The following PIGG variants were observed in gnomAD, a reference collection of about 807,000 sequenced individuals.
PIGG encodes the protein GPI ethanolamine phosphate transferase 2, catalytic subunit.
PIGG carries 70 observed loss-of-function variants against 83.2 expected under a neutral mutation model. The ratio of observed to expected loss-of-function variants is 0.84; its 90% CI spans 0.69 to 1.03. The LOEUF (loss-of-function observed/expected upper bound fraction) is 1.03. Among genes scored for constraint, PIGG ranks in the 50% least tolerant of loss-of-function variants. The pLI is 0.00. For missense variants in PIGG, 1,257 were observed against 1,233.6 expected, an observed-to-expected ratio of 1.02 and a Z score of -0.28; for synonymous variants, 532 against 519.5, an observed-to-expected ratio of 1.02 and a Z score of -0.33.
rs1577128060 is a variant in PIGG, at chr4:528,594, T to G, written c.2261+1364T>G. ...GATGCTGACGTGCAGGTACCAGCGGTGTTCTGTGGAGATGTCTCAAAGGCT... is the reference window on the plus strand; with the variant it reads ...GATGCTGACGTGCAGGTACCAGCGGGGTTCTGTGGAGATGTCTCAAAGGCT... On this transcript the variant is annotated intron_variant, in intron 10 of 12. Coordinates refer to ENST00000453061, the MANE Select transcript of PIGG (RefSeq NM_001127178.3). The surrounding 1 kb of genome is among the most constrained non-coding windows in gnomAD (Gnocchi z 4.8). The G allele has an allele frequency of 1.0e-6, 1 of 985,206 alleles. No individual in the cohort carries two copies. The highest frequency in any genetic ancestry group is 1.2e-6 in the Non-Finnish European group (1 of 829,914). The allele number at this position is 985,206 out of a possible 1,614,324, so 61.0% of individuals were successfully genotyped here. A position where few individuals can be genotyped will look rare whatever the true frequency, so the allele number is the denominator to read the frequency against.
chr4:503,798 C>G lies in PIGG; in HGVS notation c.361-1920C>G, dbSNP rs565995352. On this transcript the variant is annotated intron_variant, in intron 2 of 12. Transcript: ENST00000453061. ...GTTTGAGAGTAATTTGTATAGTTTG[C>G]TACCATTTTGGTAAAAAATGTGTAC... 2.6e-5 allele frequency among the ~76,000 whole-genome samples: 4 copies of G among 151,168 alleles called. No homozygotes were observed. The South Asian group carries it at 8.4e-4, about 32-fold the overall frequency.
chr4:534,892 C>T, intron 12 of PIGG, among the ~76,000 whole-genome samples: 1 of 152,254 alleles, frequency 6.6e-6, no homozygotes, highest in African/African-American at 2.4e-5. Flanking sequence ...GGCGCAGCCC[C>T]CCATCCACAT....
At chr4:506,281 G>C (rs1306834151) in intron 3 of PIGG, among the ~76,000 whole-genome samples, 2 of 152,216 alleles carry the variant, frequency 1.3e-5, no homozygotes, top group African/African-American at 4.8e-5. Flanking sequence ...GGTAGCTTCT[G>C]CACATGGCAG....
intron 5 of PIGG, among the ~76,000 whole-genome samples, chr4:512,529 T>C (rs1553884196): frequency 6.6e-6 from 1 of 152,058 alleles, no homozygotes; most frequent in Non-Finnish European, 1.5e-5. Context: ...TTTTAAAAAA[T>C]AATTTCTGGC....
intron 3 of PIGG, 73 bp from the exon 4 acceptor site, chr4:507,332 T>C: frequency 1.7e-6 from 2 of 1,185,224 alleles, no homozygotes; most frequent in Non-Finnish European, 2.4e-6. Flanking sequence ...AAGATGACTG[T>C]TGCGTTTTCC....
At chr4:511,591 A>G (rs1721981458) in intron 5 of PIGG, among the ~76,000 whole-genome samples, 1 of 152,248 alleles carries the variant, frequency 6.6e-6, no homozygotes, top group Non-Finnish European at 1.5e-5. Context: ...CTGATGGCAT[A>G]GTGATATAGA....
chr4:507,678 G>GGC, intron 4 of PIGG, 85 bp downstream of exon 4: 2 of 1,208,066 alleles, frequency 1.7e-6, no homozygotes, highest in Non-Finnish European at 2.3e-6. Flanking sequence ...GAGTTATTCA[G>GGC]GGTGCCTGTG....
Position 528,854 on chromosome 4 carries a change from C to T in PIGG, c.2262-1582C>T. On this transcript the variant is annotated intron_variant, in intron 10 of 12. Transcript: ENST00000453061. This position sits in a 1 kb window ranked among gnomAD's most constrained non-coding sequence, Gnocchi z 4.8. ...GTGCCTTTTCTTTCCACACGCACTG[C>T]CTGGTTCACCTTCTTCCTGTAAAGT... The T allele has an allele frequency of 2.9e-6, 1 of 344,684 alleles. No homozygotes were observed. The highest frequency in any genetic ancestry group is 4.1e-6 in the Non-Finnish European group (1 of 244,094). The allele number at this position is 344,684 out of a possible 1,614,324, so 21.4% of individuals were successfully genotyped here. A position where few individuals can be genotyped will look rare whatever the true frequency, so the allele number is the denominator to read the frequency against.
chr4:530,262 A>G lies in PIGG; in HGVS notation c.2262-174A>G, dbSNP rs545183076. Among the ~76,000 whole-genome samples, 19 of 152,262 alleles carry G rather than the reference A, an allele frequency of 1.2e-4. No homozygotes were observed. The South Asian group carries it at 3.9e-3, about 32-fold the overall frequency. The stretch of plus-strand genomic sequence containing the variant: ...CTCAGGGCTGCTGTGCGGAGGAGAC[A>G]TGCCCACTGCCATGACAGGACCTGG... On this transcript the variant is annotated intron_variant, in intron 10 of 12. Transcript: ENST00000453061.
chr4:530,843 CTG>C, intron 11 of PIGG, 98 bp downstream of exon 11: 2 of 822,270 alleles, frequency 2.4e-6, no homozygotes, highest in Non-Finnish European at 3.9e-6. Context: ...TGGAAAGTGA[CTG>C]TCAGTGTGGC....
At chr4:507,230 G>T (rs1326654653) in intron 3 of PIGG, among the ~76,000 whole-genome samples, 175 bp from the exon 4 acceptor site, 1 of 152,222 alleles carries the variant, frequency 6.6e-6, no homozygotes, top group Non-Finnish European at 1.5e-5. Flanking sequence ...ATGAGCTGCT[G>T]TGTCCAGCCT....
Position 500,551 on chromosome 4 carries a change from A to C in PIGG, c.310A>C (p.Ser104Arg). 3 of 1,613,712 alleles carry C rather than the reference A, an allele frequency of 1.9e-6. 1 individual carries two copies. ...TYLVEKGASH[S>R]FVAEAKPPTV... ...CCTTGTGGAAAAAGGAGCATCTCAC[A>C]GTTTTGTGGCTGAAGCAAAGCCACC... The change falls in exon 2 of 13, where the codon AGT becomes CGT. Residue 104 changes from serine to arginine, a missense_variant. By Grantham distance (110) the Ser-to-Arg change is moderately radical. Transcript: ENST00000453061.
Position 499,241 on chromosome 4 carries a change from T to G in PIGG, c.-95T>G. The stretch of plus-strand genomic sequence containing the variant: ...GCTGCGACGATAAGGCCTGGCGTTA[T>G]TGCTTAGAGGCGGCTACCTGGAGCC... On this transcript the variant is annotated 5_prime_UTR_variant, in exon 1 of 13. Coordinates refer to ENST00000453061, the MANE Select transcript of PIGG (RefSeq NM_001127178.3). The G allele has an allele frequency of 7.3e-7, 1 of 1,372,560 alleles. No homozygotes were observed. The highest frequency in any genetic ancestry group is 1.0e-6 in the Non-Finnish European group (1 of 1,001,052). 85.0% of individuals were successfully genotyped at this position (1,372,560 alleles called of 1,614,324 possible).
At chr4:500,022 C>T in intron 1 of PIGG, 1 of 258,668 alleles carries the variant, frequency 3.9e-6, no homozygotes, top group Non-Finnish European at 7.5e-6. Context: ...TTGCACACAT[C>T]GCCAGCCGCT....
intron 6 of PIGG, among the ~76,000 whole-genome samples, chr4:516,576 G>A (rs765916584): frequency 6.6e-6 from 1 of 152,144 alleles, no homozygotes; most frequent in Non-Finnish European, 1.5e-5. Context: ...GAATAAACAG[G>A]GCTGGGTGCG....
At chr4:530,339 TG>T (rs1728735512) in intron 10 of PIGG, 96 bp from the exon 11 acceptor site, 1 of 844,832 alleles carries the variant, frequency 1.2e-6, no homozygotes. Flanking sequence ...GGACATTTAC[TG>T]GTTCCCTGGG....
Position 520,532 on chromosome 4 carries a change from A to T in PIGG, c.1115-524A>T, listed in dbSNP as rs562444945. The stretch of plus-strand genomic sequence containing the variant: ...AGTAACCCAGGCTGCAGAACGGGGG[A>T]CGTTAGAGGTCGGGAAGGGCCAGTC... On this transcript the variant is annotated intron_variant, in intron 6 of 12. Coordinates refer to ENST00000453061, the MANE Select transcript of PIGG (RefSeq NM_001127178.3). Among the ~76,000 whole-genome samples, 13 of 152,226 alleles carry T rather than the reference A, an allele frequency of 8.5e-5. No individual in the cohort carries two copies. The East Asian group carries it at 2.3e-3, about 27-fold the overall frequency.
intron 4 of PIGG, among the ~76,000 whole-genome samples, chr4:508,516 G>A (rs1720695031): frequency 6.6e-6 from 1 of 152,234 alleles, no homozygotes; most frequent in South Asian, 2.1e-4. Context: ...AAGGCACAGA[G>A]TAGAATGCGT....
chr4:520,344 A>G (rs34872561), intron 6 of PIGG, among the ~76,000 whole-genome samples: 26,996 of 152,236 alleles, frequency 0.18, 3,091 homozygotes, highest in African/African-American at 0.33. Context: ...GGAAAGAAAG[A>G]ACATCAGCTG....
Sources: gnomAD v4.1 joint callset for allele counts (sites outside exome capture counted in the v4.1 genomes callset) on GRCh38, gnomAD v4.1.1 for gene constraint, Gnocchi (gnomAD v3.1) non-coding constraint, MANE v1.5 for transcripts, NCBI Gene and HGNC (gene_info 2026-07-23, HGNC 2026-07-21) for gene names.